DMD: variants seen among roughly 807,000 people sequenced by gnomAD.
The protein encoded by DMD is dystrophin, also known as mutant dystrophin.
A neutral mutation model predicts 330.1 loss-of-function variants in DMD; 63 were observed. That is an observed-to-expected ratio of 0.19 (90% confidence interval 0.16 to 0.24). The LOEUF (loss-of-function observed/expected upper bound fraction) is 0.24. DMD is among the 10% of genes least tolerant of loss of function. The probability of loss-of-function intolerance (pLI) is 1.00; values close to 1 mark genes in which losing one functional copy is unlikely to be tolerated. For synonymous variants in DMD, 1,223 were observed against 959.8 expected (o/e 1.27, Z -5.07); for missense variants, 3,344 against 2,684.1 (o/e 1.25, Z -5.43).
rs1167550498 is a variant in DMD, at chrX:31,559,640, C to CAAA, written c.8218-52190_8218-52188dup. On this transcript the variant is annotated intron_variant, in intron 55 of 78. Transcript: ENST00000357033. ...TGGGCGACAGAGCGAAACTCCGTCT[C>CAAA]AAAAAAAAAAAAAAAAAAAAAAAAA... Among the ~76,000 whole-genome samples, 47 of 21,590 alleles carry CAAA rather than the reference C, an allele frequency of 2.2e-3. 3 individuals carry two copies. Among genetic ancestry groups the CAAA allele is most frequent in the Non-Finnish European group, 3.1e-3 (29 of 9,505 alleles). 18.7% of individuals were successfully genotyped at this position (21,590 alleles called of 115,157 possible).
At chrX:32,879,423 T>C (rs1357009560) in intron 2 of DMD, among the ~76,000 whole-genome samples, 1 of 112,141 alleles carries the variant, frequency 8.9e-6, no homozygotes, top group Non-Finnish European at 1.9e-5. Flanking sequence ...ACCTCTGCTA[T>C]GCCCTCCTCA....
chrX:32,564,031 A>G (rs1358798443), intron 16 of DMD, among the ~76,000 whole-genome samples: 1 of 111,709 alleles, frequency 9.0e-6, no homozygotes, highest in Non-Finnish European at 1.9e-5. Context: ...CACCTCAAGT[A>G]GATCCCAGTG....
chrX:32,871,074 T>C (rs1036656517), intron 2 of DMD, among the ~76,000 whole-genome samples: 3 of 108,263 alleles, frequency 2.8e-5, no homozygotes, highest in Non-Finnish European at 5.7e-5. Context: ...TTCCCCTGCA[T>C]CCTTGCCGTA....
At chrX:33,258,636 C>A (rs2052898746) in intron 1 of DMD, among the ~76,000 whole-genome samples, 1 of 110,776 alleles carries the variant, frequency 9.0e-6, no homozygotes, top group African/African-American at 3.3e-5. Context: ...CAGAAGATAG[C>A]CCTAGAGATG....
chrX:31,675,154 T>G (rs1216687072), intron 53 of DMD, among the ~76,000 whole-genome samples: 1 of 112,142 alleles, frequency 8.9e-6, no homozygotes, highest in African/African-American at 3.2e-5. Flanking sequence ...AGAAAACAAT[T>G]ACCAATATGT....
At chrX:32,268,214 G>A (rs2097351791) in intron 43 of DMD, among the ~76,000 whole-genome samples, 1 of 111,140 alleles carries the variant, frequency 9.0e-6, no homozygotes, top group South Asian at 3.8e-4. Flanking sequence ...CTTGGGCCTG[G>A]ACACTCCAGG....
chrX:32,774,681 C>G (rs1199063782), intron 7 of DMD, among the ~76,000 whole-genome samples: 3 of 110,701 alleles, frequency 2.7e-5, no homozygotes, highest in African/African-American at 9.9e-5. Context: ...CCCCCATCCC[C>G]CAAATGATCC....
intron 55 of DMD, among the ~76,000 whole-genome samples, chrX:31,573,096 G>A (rs1603390456): frequency 9.0e-6 from 1 of 111,325 alleles, no homozygotes. Context: ...GTTAAGTAAA[G>A]GAGAGGATGA....
chrX:32,345,336 G>A (rs915867719), intron 39 of DMD, among the ~76,000 whole-genome samples: 1 of 111,164 alleles, frequency 9.0e-6, no homozygotes, highest in African/African-American at 3.3e-5. Context: ...AGTCACCTGG[G>A]GACTTGAAGC....
At chrX:32,730,198 T>C (rs1021813426) in intron 7 of DMD, among the ~76,000 whole-genome samples, 2 of 112,084 alleles carry the variant, frequency 1.8e-5, no homozygotes, top group Non-Finnish European at 3.8e-5. Flanking sequence ...TGTTTAAATG[T>C]ACCTCTGCAT....
At chrX:31,355,647 T>C (rs1462472965) in intron 60 of DMD, among the ~76,000 whole-genome samples, 1 of 111,701 alleles carries the variant, frequency 9.0e-6, no homozygotes, top group African/African-American at 3.3e-5. Context: ...GTACAGTTTC[T>C]GTGTGCATGT....
At chrX:32,109,903 C>T (rs1480809038) in intron 44 of DMD, among the ~76,000 whole-genome samples, 1 of 110,993 alleles carries the variant, frequency 9.0e-6, no homozygotes, top group Non-Finnish European at 1.9e-5. Flanking sequence ...AAATGCGAGC[C>T]GACTAAGGCA....
Position 33,284,497 on chromosome X carries a change from C to T in DMD, c.7+54762G>A, listed in dbSNP as rs754426709. Among the ~76,000 whole-genome samples the T allele has an allele frequency of 2.7e-5, 3 of 109,258 alleles. No homozygotes were observed. The Admixed American group carries it at 2.9e-4, about 11-fold the overall frequency. The allele number at this position is 109,258 out of a possible 115,157, so 94.9% of individuals were successfully genotyped here. On this transcript the variant is annotated intron_variant, in intron 1 of 17. Transcript: ENST00000288447. Reference sequence around the variant, plus strand: ...GAATAGAAGGAAATTTTTGCTGAGCCTCTTCTACTTTTTATGTTAAATATT... The same window carrying T: ...GAATAGAAGGAAATTTTTGCTGAGCTTCTTCTACTTTTTATGTTAAATATT...
chrX:32,555,561 A>C (rs887022704), intron 16 of DMD, among the ~76,000 whole-genome samples: 1 of 111,688 alleles, frequency 9.0e-6, no homozygotes, highest in Non-Finnish European at 1.9e-5. Flanking sequence ...TCAGCCCAAA[A>C]GCTAAGACTT....
At chrX:32,825,356 T>G (rs1359345612) in intron 4 of DMD, among the ~76,000 whole-genome samples, 1 of 110,864 alleles carries the variant, frequency 9.0e-6, no homozygotes, top group Admixed American at 9.7e-5. Context: ...CATTTCCTTG[T>G]CCTCATAAAA....
At chrX:33,211,913 A>C (rs1471874395), upstream of DMD, among the ~76,000 whole-genome samples, 1 of 112,348 alleles carries the variant, frequency 8.9e-6, no homozygotes, top group Non-Finnish European at 1.9e-5. Context: ...CCTCTCAACA[A>C]CACCAAAAAT....
intron 44 of DMD, among the ~76,000 whole-genome samples, chrX:32,040,451 G>A (rs1052832366): frequency 2.7e-5 from 3 of 111,997 alleles, no homozygotes; most frequent in Non-Finnish European, 5.6e-5. Flanking sequence ...ATTATATTTT[G>A]GCTCTGGGTT....
chrX:32,758,172 A>G lies in DMD; in HGVS notation c.649+51321T>C, dbSNP rs146705162. On this transcript the variant is annotated intron_variant, in intron 7 of 78. Transcript: ENST00000357033. Reference sequence around the variant, plus strand: ...GAGTTTTCTTACTAGTTTCTTTGATAATCAGCCAATCATGGCTTTCTGTCA... The same window carrying G: ...GAGTTTTCTTACTAGTTTCTTTGATGATCAGCCAATCATGGCTTTCTGTCA... 2.1e-3 allele frequency among the ~76,000 whole-genome samples: 237 copies of G among 111,987 alleles called. 1 individual carries two copies. The Middle Eastern group carries it at 0.037, about 18-fold the overall frequency.
chrX:32,726,546 T>C (rs1260452605), intron 7 of DMD, among the ~76,000 whole-genome samples: 3 of 111,490 alleles, frequency 2.7e-5, no homozygotes, highest in Admixed American at 9.6e-5. Flanking sequence ...GCTTTTACTC[T>C]TTGTAATAAA....
Sources: gnomAD v4.1 joint callset for allele counts (sites outside exome capture counted in the v4.1 genomes callset) on GRCh38, gnomAD v4.1.1 for gene constraint, MANE v1.5 for transcripts, NCBI Gene and HGNC (gene_info 2026-07-23, HGNC 2026-07-21) for gene names.